PDE4D: variants seen among roughly 807,000 people sequenced by gnomAD.
PDE4D encodes the protein 3',5'-cyclic-AMP phosphodiesterase 4D.
PDE4D carries 24 observed loss-of-function variants against 87.4 expected under a neutral mutation model. The ratio of observed to expected loss-of-function variants is 0.27; its 90% CI spans 0.20 to 0.39. The LOEUF (loss-of-function observed/expected upper bound fraction) is 0.39. Among genes scored for constraint, PDE4D ranks in the 10% least tolerant of loss-of-function variants. The probability of loss-of-function intolerance (pLI) is 1.00; values close to 1 mark genes in which losing one functional copy is unlikely to be tolerated. For synonymous variants in PDE4D, 384 were observed against 383.2 expected (o/e 1.00, Z -0.02); for missense variants, 714 against 1,041.0 (o/e 0.69, Z 4.32).
At chr5:60,298,618 A>G (rs1753620894) in intron 1 of PDE4D, among the ~76,000 whole-genome samples, 1 of 152,204 alleles carries the variant, frequency 6.6e-6, no homozygotes, top group African/African-American at 2.4e-5. Flanking sequence ...TGTTTTTCAC[A>G]TCAATTTTAG....
At chr5:59,900,050 G>GCC (rs921981336) in intron 3 of PDE4D, among the ~76,000 whole-genome samples, 1 of 152,022 alleles carries the variant, frequency 6.6e-6, no homozygotes, top group African/African-American at 2.4e-5. Flanking sequence ...GACCAGCCTG[G>GCC]CCAACATGGT....
chr5:60,295,342 A>G (rs1180110159), intron 1 of PDE4D, among the ~76,000 whole-genome samples: 1 of 152,192 alleles, frequency 6.6e-6, no homozygotes, highest in Non-Finnish European at 1.5e-5. Context: ...ATGAGTTTTA[A>G]TTATTCTTCT....
chr5:59,837,708 G>T (rs777631832), intron 1 of PDE4D, among the ~76,000 whole-genome samples: 1 of 151,976 alleles, frequency 6.6e-6, no homozygotes. Flanking sequence ...CATAATTTTT[G>T]AGCAGTTCCA....
At chr5:59,461,820 G>C (rs73758505) in intron 1 of PDE4D, among the ~76,000 whole-genome samples, 2,499 of 152,212 alleles carry the variant, frequency 0.016, 73 homozygotes, top group African/African-American at 0.055. Context: ...CTGGAATCTA[G>C]TTGTCCTTTC....
chr5:58,985,828 G>A (rs1746294176), intron 11 of PDE4D, among the ~76,000 whole-genome samples: 1 of 152,148 alleles, frequency 6.6e-6, no homozygotes, highest in South Asian at 2.1e-4. Flanking sequence ...ATTTCACGAA[G>A]CTACATATCA....
intron 1 of PDE4D, among the ~76,000 whole-genome samples, chr5:59,491,180 T>C (rs1329477581): frequency 6.6e-6 from 1 of 152,222 alleles, no homozygotes; most frequent in Non-Finnish European, 1.5e-5. Flanking sequence ...TGCACTTTTC[T>C]CTATGTTTAA....
intron 5 of PDE4D, among the ~76,000 whole-genome samples, chr5:59,111,920 G>A (rs565541700): frequency 1.2e-3 from 184 of 152,214 alleles, no homozygotes; most frequent in African/African-American, 3.0e-3. Flanking sequence ...CAAAATAGGC[G>A]AAGATTGTTC....
intron 1 of PDE4D, among the ~76,000 whole-genome samples, chr5:59,679,376 C>T (rs902303050): frequency 1.3e-5 from 2 of 152,098 alleles, no homozygotes; most frequent in Admixed American, 6.5e-5. Flanking sequence ...TTAGTTTTGG[C>T]CACATGAGAA....
intron 1 of PDE4D, among the ~76,000 whole-genome samples, chr5:60,199,678 A>G (rs1234162018): frequency 6.6e-6 from 1 of 151,740 alleles, no homozygotes; most frequent in Non-Finnish European, 1.5e-5. Flanking sequence ...CATATAAATG[A>G]AAAAGTAAAA....
intron 1 of PDE4D, among the ~76,000 whole-genome samples, chr5:59,802,460 G>A (rs535118340): frequency 7.7e-4 from 112 of 145,374 alleles, no homozygotes; most frequent in East Asian, 1.4e-3. Flanking sequence ...GTGCAGTGGC[G>A]TGATCTCAGC....
In PDE4D at chr5:59,760,659, T is replaced by A. The variant is rs552208494; in HGVS notation, c.455+132509A>T. 5.3e-5 allele frequency among the ~76,000 whole-genome samples: 8 copies of A among 152,290 alleles called. No individual in the cohort carries two copies. The South Asian group carries it at 1.7e-3, about 32-fold the overall frequency. ...TATTTGGTTTTAATTATATTTGGAATTAAAAATGTTTTTGAGAGATATATC... is the reference window on the plus strand; with the variant it reads ...TATTTGGTTTTAATTATATTTGGAAATAAAAATGTTTTTGAGAGATATATC... On this transcript the variant is annotated intron_variant, in intron 1 of 14. Transcript: ENST00000340635.
chr5:59,094,519 TC>T (rs1465139763), intron 5 of PDE4D, among the ~76,000 whole-genome samples: 1 of 152,018 alleles, frequency 6.6e-6, no homozygotes, highest in Non-Finnish European at 1.5e-5. Context: ...AGGACTCATA[TC>T]TCTGGAGTGA....
At chr5:60,354,084 T>G (rs545747732) in intron 1 of PDE4D, among the ~76,000 whole-genome samples, 43 of 152,274 alleles carry the variant, frequency 2.8e-4, no homozygotes, top group African/African-American at 1.0e-3. Flanking sequence ...ATCTATGAAC[T>G]AAGTGACAGA....
chr5:59,416,340 T>C (rs966404488), intron 1 of PDE4D, among the ~76,000 whole-genome samples: 1 of 152,080 alleles, frequency 6.6e-6, no homozygotes, highest in Admixed American at 6.6e-5. Flanking sequence ...CCTGAGAAAA[T>C]AGTAACCAGA....
At chr5:59,214,375 T>C (rs1166969781) in intron 2 of PDE4D, among the ~76,000 whole-genome samples, 3 of 152,162 alleles carry the variant, frequency 2.0e-5, no homozygotes, top group African/African-American at 7.2e-5. Context: ...ATCAAGCAGA[T>C]TGTCATTCCT....
At chr5:59,887,971 A>T (rs1467815191) in intron 1 of PDE4D, among the ~76,000 whole-genome samples, 1 of 152,160 alleles carries the variant, frequency 6.6e-6, no homozygotes, top group Non-Finnish European at 1.5e-5. Flanking sequence ...GATATGGAGG[A>T]TATAGTTTGT....
intron 1 of PDE4D, among the ~76,000 whole-genome samples, chr5:59,757,850 C>G (rs966127176): frequency 6.6e-6 from 1 of 152,128 alleles, no homozygotes; most frequent in Non-Finnish European, 1.5e-5. Context: ...CCATTGACCC[C>G]TTTTCACCAA....
intron 1 of PDE4D, among the ~76,000 whole-genome samples, chr5:60,374,083 A>G (rs978137960): frequency 6.6e-6 from 1 of 152,164 alleles, no homozygotes; most frequent in African/African-American, 2.4e-5. Flanking sequence ...AGCCCTCAAC[A>G]CTGTCACCAA....
At chr5:59,346,510 T>C (rs1779621745) in intron 1 of PDE4D, among the ~76,000 whole-genome samples, 2 of 152,150 alleles carry the variant, frequency 1.3e-5, no homozygotes, top group Admixed American at 6.6e-5. Flanking sequence ...GATAATTTGT[T>C]TCCCCCACCG....
Sources: allele counts gnomAD v4.1 joint callset (sites outside exome capture counted in the v4.1 genomes callset), GRCh38; gene constraint gnomAD v4.1.1; transcripts MANE v1.5; gene names NCBI Gene and HGNC (gene_info 2026-07-23, HGNC 2026-07-21).